CNTN3: variants seen among roughly 807,000 people sequenced by gnomAD.
CNTN3 encodes contactin 3.
A neutral mutation model predicts 119.1 loss-of-function variants in CNTN3; 60 were observed. The ratio of observed to expected loss-of-function variants is 0.50; its 90% CI spans 0.41 to 0.62. CNTN3 has a LOEUF of 0.62. Ranked by LOEUF, CNTN3 falls within the 20% of genes least tolerant of loss-of-function variation. The probability of loss-of-function intolerance (pLI) is 0.00; values close to 1 mark genes in which losing one functional copy is unlikely to be tolerated. For synonymous variants in CNTN3, 450 were observed against 438.7 expected (o/e 1.03, Z -0.32); for missense variants, 1,101 against 1,242.4 (o/e 0.89, Z 1.71).
At chr3:74,610,354 A>T (rs564971858) in intron 1 of CNTN3, among the ~76,000 whole-genome samples, 1 of 149,684 alleles carries the variant, frequency 6.7e-6, no homozygotes, top group Non-Finnish European at 1.5e-5. Flanking sequence ...AAACCCTGTG[A>T]GTTTGTGTGT....
chr3:74,591,137 T>C (rs1704695576), intron 1 of CNTN3, among the ~76,000 whole-genome samples: 1 of 152,002 alleles, frequency 6.6e-6, no homozygotes, highest in East Asian at 1.9e-4. Flanking sequence ...TACAAATTAA[T>C]GTCCCCGTAT....
chr3:74,538,364 C>G (rs1660740241), intron 1 of CNTN3, among the ~76,000 whole-genome samples: 1 of 152,066 alleles, frequency 6.6e-6, no homozygotes, highest in South Asian at 2.1e-4. Flanking sequence ...GCAGAGTGAT[C>G]AAGGTTTTAT....
At chr3:74,608,845 A>C (rs1355660801) in intron 1 of CNTN3, among the ~76,000 whole-genome samples, 2 of 152,210 alleles carry the variant, frequency 1.3e-5, no homozygotes, top group Non-Finnish European at 2.9e-5. Flanking sequence ...AATATTAATT[A>C]GATTATAATA....
At chr3:74,312,942 G>T (rs566049756) in intron 13 of CNTN3, among the ~76,000 whole-genome samples, 12 of 151,622 alleles carry the variant, frequency 7.9e-5, no homozygotes, top group Non-Finnish European at 1.2e-4. Flanking sequence ...AAACAAACAT[G>T]TAAGAAAAGA....
At chr3:74,462,585 C>T (rs1702389742) in intron 4 of CNTN3, among the ~76,000 whole-genome samples, 1 of 152,086 alleles carries the variant, frequency 6.6e-6, no homozygotes, top group Non-Finnish European at 1.5e-5. Context: ...TGGATGCCAA[C>T]CAGTCCTGCT....
chr3:74,393,930 A>T (rs1245368345), intron 5 of CNTN3, among the ~76,000 whole-genome samples: 1 of 152,208 alleles, frequency 6.6e-6, no homozygotes, highest in African/African-American at 2.4e-5. Flanking sequence ...AAGCACTTAG[A>T]GCATCATAAA....
chr3:74,523,565 A>G (rs1703573680), intron 1 of CNTN3, among the ~76,000 whole-genome samples: 1 of 151,888 alleles, frequency 6.6e-6, no homozygotes, highest in Admixed American at 6.6e-5. Context: ...GCTATCCAGT[A>G]TATACACGAA....
chr3:74,276,943 C>G (rs116035765), intron 20 of CNTN3, among the ~76,000 whole-genome samples: 73 of 151,918 alleles, frequency 4.8e-4, no homozygotes, highest in African/African-American at 1.7e-3. Flanking sequence ...AGAAATGATA[C>G]GGGAGATATT....
chr3:74,524,002 C>A (rs1703579681), intron 1 of CNTN3, among the ~76,000 whole-genome samples: 2 of 151,752 alleles, frequency 1.3e-5, no homozygotes, highest in Admixed American at 1.3e-4. Flanking sequence ...AATCTTTGCA[C>A]CGGACATCAA....
chr3:74,587,207 G>T (rs903112014), intron 1 of CNTN3, among the ~76,000 whole-genome samples: 1 of 152,024 alleles, frequency 6.6e-6, no homozygotes, highest in African/African-American at 2.4e-5. Context: ...GTTAAGGATA[G>T]ATACAAAGGA....
At chr3:74,552,188 C>T (rs1170092096) in intron 1 of CNTN3, among the ~76,000 whole-genome samples, 3 of 152,140 alleles carry the variant, frequency 2.0e-5, no homozygotes, top group Admixed American at 6.5e-5. Context: ...ATTTATTTAT[C>T]CATTCACCTA....
At chr3:74,450,393 C>T (rs967988486) in intron 4 of CNTN3, among the ~76,000 whole-genome samples, 2 of 151,604 alleles carry the variant, frequency 1.3e-5, no homozygotes, top group African/African-American at 4.8e-5. Context: ...TATGACTCTC[C>T]CTATAAAGGT....
intron 13 of CNTN3, among the ~76,000 whole-genome samples, chr3:74,331,872 T>C (rs1703271917): frequency 6.6e-6 from 1 of 152,194 alleles, no homozygotes; most frequent in African/African-American, 2.4e-5. Context: ...TTTGGCACAA[T>C]TTCAAATCTA....
intron 1 of CNTN3, among the ~76,000 whole-genome samples, chr3:74,597,308 G>T (rs1052550824): frequency 6.6e-6 from 1 of 151,840 alleles, no homozygotes; most frequent in South Asian, 2.1e-4. Flanking sequence ...ATGATTTAAT[G>T]GATGTAAAAA....
intron 1 of CNTN3, among the ~76,000 whole-genome samples, chr3:74,537,656 A>G (rs1703785030): frequency 6.6e-6 from 1 of 152,146 alleles, no homozygotes; most frequent in African/African-American, 2.4e-5. Flanking sequence ...AGGCAGAGGA[A>G]GGATGGAACA....
intron 5 of CNTN3, among the ~76,000 whole-genome samples, chr3:74,388,589 T>C (rs1192135200): frequency 6.6e-6 from 1 of 152,188 alleles, no homozygotes; most frequent in Non-Finnish European, 1.5e-5. Context: ...ATCCCAGTAA[T>C]TATATTTAGT....
intron 1 of CNTN3, among the ~76,000 whole-genome samples, chr3:74,548,519 AT>A (rs1419183798): frequency 6.6e-6 from 1 of 152,198 alleles, no homozygotes; most frequent in Non-Finnish European, 1.5e-5. Flanking sequence ...TGGAATAAAC[AT>A]TCCTTGCTCA....
At chr3:74,540,995 A>C (rs1179435346) in intron 1 of CNTN3, among the ~76,000 whole-genome samples, 1 of 152,188 alleles carries the variant, frequency 6.6e-6, no homozygotes, top group Non-Finnish European at 1.5e-5. Flanking sequence ...AAATATAGAA[A>C]ACCAAAAAGA....
chr3:74,272,338 A>C (rs1396741687), intron 20 of CNTN3, among the ~76,000 whole-genome samples: 1 of 152,212 alleles, frequency 6.6e-6, no homozygotes, highest in Non-Finnish European at 1.5e-5. Flanking sequence ...GCAGATTTTC[A>C]AAAAAGTGCC....
Sources: gnomAD v4.1 joint callset for allele counts (sites outside exome capture counted in the v4.1 genomes callset) on GRCh38, gnomAD v4.1.1 for gene constraint, MANE v1.5 for transcripts, NCBI Gene and HGNC (gene_info 2026-07-23, HGNC 2026-07-21) for gene names.